NCK1: variants seen among roughly 807,000 people sequenced by gnomAD.
NCK1 encodes NCK adaptor protein 1, also known as SH2/SH3 adapter protein NCK1.
Under a neutral mutation model 36.6 loss-of-function variants are expected in NCK1, and 19 were observed. That is an observed-to-expected ratio of 0.52 (90% confidence interval 0.36 to 0.76). The LOEUF (loss-of-function observed/expected upper bound fraction) is 0.76, where lower values mean the gene tolerates loss of function less well. Ranked by LOEUF, NCK1 falls within the 30% of genes least tolerant of loss-of-function variation. The pLI is 0.00. For synonymous variants in NCK1, 165 were observed against 156.0 expected (o/e 1.06, Z -0.43); for missense variants, 358 against 445.6 (o/e 0.80, Z 1.77).
intron 1 of NCK1, among the ~76,000 whole-genome samples, chr3:136,895,135 A>G (rs949553164): frequency 2.6e-5 from 4 of 152,144 alleles, no homozygotes; most frequent in Non-Finnish European, 2.9e-5. Flanking sequence ...TCGGCCTCCC[A>G]AAGTGCTAGG....
intron 1 of NCK1, among the ~76,000 whole-genome samples, chr3:136,862,789 A>C (rs376094468): frequency 1.3e-5 from 2 of 152,216 alleles, no homozygotes; most frequent in East Asian, 3.9e-4. Flanking sequence ...TCTCACCTCC[A>C]GCCCGAGAGG....
chr3:136,950,710 A>G lies in NCK1; in HGVS notation c.*2257A>G, dbSNP rs1393259878. Among the ~76,000 whole-genome samples the G allele has an allele frequency of 2.0e-5, 3 of 152,148 alleles. No homozygotes were observed. The highest frequency in any genetic ancestry group is 6.6e-5 in the Admixed American group (1 of 15,266). On this transcript the variant is annotated 3_prime_UTR_variant, in exon 4 of 4. Coordinates refer to ENST00000481752, the MANE Select transcript of NCK1 (RefSeq NM_001291999.2). ...CCCAGCCTGGTGTCTGTATCGTGAC[A>G]CACTACTCTGTGTATGCTTGGTTTT...
intron 1 of NCK1, among the ~76,000 whole-genome samples, chr3:136,870,200 G>A (rs1258475018): frequency 6.6e-6 from 1 of 151,740 alleles, no homozygotes; most frequent in East Asian, 1.9e-4. Context: ...AATTTAGCTG[G>A]GCGTGGTGGT....
intron 2 of NCK1, among the ~76,000 whole-genome samples, chr3:136,937,817 CTG>C (rs910831473): frequency 2.0e-5 from 3 of 152,002 alleles, no homozygotes; most frequent in Non-Finnish European, 2.9e-5. Context: ...TATTCTCACT[CTG>C]TGTGAGTGTG....
chr3:136,909,002 G>A (rs1939766318), intron 1 of NCK1, among the ~76,000 whole-genome samples: 1 of 152,116 alleles, frequency 6.6e-6, no homozygotes, highest in African/African-American at 2.4e-5. Flanking sequence ...TGGGATCCAT[G>A]ACTCTTCCCC....
intron 1 of NCK1, among the ~76,000 whole-genome samples, chr3:136,886,484 T>C (rs1413670562): frequency 2.6e-5 from 4 of 152,224 alleles, no homozygotes; most frequent in Admixed American, 2.6e-4. Flanking sequence ...AATGCTATAT[T>C]GTTTAGGGAA....
At chr3:136,913,980 C>A (rs1356730525) in intron 1 of NCK1, among the ~76,000 whole-genome samples, 1 of 152,194 alleles carries the variant, frequency 6.6e-6, no homozygotes, top group Non-Finnish European at 1.5e-5. Context: ...TTTCTAAATT[C>A]CCCATTTATA....
In NCK1 at chr3:136,946,179, G is replaced by C; in HGVS notation, c.823G>C (p.Gly275Arg). 1 of 1,613,502 alleles carries C rather than the reference G, an allele frequency of 6.2e-7. No homozygotes were observed. Among genetic ancestry groups the C allele is most frequent in the Non-Finnish European group, 8.5e-7 (1 of 1,179,890 alleles). The change falls in exon 3 of 4, where the codon GGA (glycine) becomes CGA (arginine). Residue 275 changes from glycine (G) to arginine (R), a missense_variant. Transcript: ENST00000481752. ...TGATTACATTAGGCCTTCACTCACT[G>C]GAAAGTTTGCTGGCAATCCTTGGTA... ...QCDYIRPSLT[G>R]KFAGNPWYYG... is the part of the protein sequence containing the mutation.
intron 1 of NCK1, among the ~76,000 whole-genome samples, chr3:136,919,512 T>C (rs1940051298): frequency 6.6e-6 from 1 of 152,160 alleles, no homozygotes; most frequent in Non-Finnish European, 1.5e-5. Flanking sequence ...CATCCTAGTA[T>C]TATGAAAATA....
At chr3:136,943,829 T>C (rs1387565024) in intron 2 of NCK1, among the ~76,000 whole-genome samples, 1 of 152,092 alleles carries the variant, frequency 6.6e-6, no homozygotes, top group Admixed American at 6.5e-5. Flanking sequence ...AACAAGAATA[T>C]GTAAACAGGT....
intron 1 of NCK1, among the ~76,000 whole-genome samples, chr3:136,892,413 G>T (rs1939270877): frequency 6.6e-6 from 1 of 152,188 alleles, no homozygotes; most frequent in Non-Finnish European, 1.5e-5. Context: ...TGATGTCCTG[G>T]ATTATCTGAG....
rs1940884692 is a variant in NCK1 at position 136,948,409 on chromosome 3, A to G, written c.1090A>G (p.Ser364Gly). The stretch of plus-strand genomic sequence containing the variant: ...TTACAAAAAGGCACCAATTTTTACA[A>G]GTGAACAAGGAGAAAAATTATATCT... Reference protein sequence around the residue: ...EHYKKAPIFTSEQGEKLYLVK... With the variant: ...EHYKKAPIFTGEQGEKLYLVK... Residue 364 changes from serine to glycine, a missense_variant, in exon 4 of 4, where the codon AGT becomes GGT. Ser to Gly is a moderately conservative substitution (Grantham distance 56). Around this residue, in one of 3 missense-constraint regions of NCK1, gnomAD observed 207 missense variants for 253.4 expected, o/e 0.82. Transcript: ENST00000481752. 3.1e-6 allele frequency: 5 copies of G among 1,612,944 alleles called. No homozygotes were observed. The highest frequency in any genetic ancestry group is 4.2e-6 in the Non-Finnish European group (5 of 1,179,248).
At chr3:136,929,422 A>C (rs1392676014) in intron 2 of NCK1, among the ~76,000 whole-genome samples, 1 of 152,216 alleles carries the variant, frequency 6.6e-6, no homozygotes, top group African/African-American at 2.4e-5. Flanking sequence ...TTCTAAAGGT[A>C]ATTAAGTAGA....
chr3:136,891,984 G>A (rs1939258723), intron 1 of NCK1, among the ~76,000 whole-genome samples: 1 of 152,164 alleles, frequency 6.6e-6, no homozygotes, highest in Non-Finnish European at 1.5e-5. Flanking sequence ...ATCCTCCTGG[G>A]CTCAAGGGAT....
intron 1 of NCK1, among the ~76,000 whole-genome samples, chr3:136,881,485 G>A (rs1938934496): frequency 6.6e-6 from 1 of 152,178 alleles, no homozygotes; most frequent in Admixed American, 6.6e-5. Context: ...CCCAAGTGCT[G>A]GGATTGGAGG....
chr3:136,864,027 G>A (rs1474746173), intron 1 of NCK1, among the ~76,000 whole-genome samples: 1 of 152,010 alleles, frequency 6.6e-6, no homozygotes, highest in Non-Finnish European at 1.5e-5. Context: ...CGTGAACCCG[G>A]GAGGCGGAGC....
intron 2 of NCK1, among the ~76,000 whole-genome samples, chr3:136,935,987 T>A (rs1450333700): frequency 6.6e-6 from 1 of 152,168 alleles, no homozygotes; most frequent in Non-Finnish European, 1.5e-5. Flanking sequence ...CTTCAAGTTT[T>A]GTCCATGTTG....
rs369181543 is a variant in NCK1, at chr3:136,886,595, C to G, written c.-19+24242C>G. Among the ~76,000 whole-genome samples the G allele has an allele frequency of 2.0e-5, 3 of 152,112 alleles. No individual in the cohort carries two copies. The South Asian group carries it at 6.2e-4, about 32-fold the overall frequency. ...CTGGTTGAATTCATAGATGCGGAAC[C>G]CATAGATACAGAGGGCCAACTGTAC... is the stretch of plus-strand genomic sequence containing the variant. On this transcript the variant is annotated intron_variant, in intron 1 of 3. Coordinates refer to ENST00000481752, the MANE Select transcript of NCK1 (RefSeq NM_001291999.2).
intron 1 of NCK1, among the ~76,000 whole-genome samples, chr3:136,901,554 A>G (rs1939542114): frequency 6.6e-6 from 1 of 151,616 alleles, no homozygotes; most frequent in African/African-American, 2.4e-5. Context: ...AAATGTCTTT[A>G]CTCATTATCA....
Sources: allele counts gnomAD v4.1 joint callset (sites outside exome capture counted in the v4.1 genomes callset), GRCh38; gene constraint gnomAD v4.1.1; regional missense constraint gnomAD v4.1.1; transcripts MANE v1.5; gene names NCBI Gene and HGNC (gene_info 2026-07-23, HGNC 2026-07-21).